DPYD: variants seen among roughly 807,000 people sequenced by gnomAD.
DPYD encodes the protein dihydropyrimidine dehydrogenase, also known as dihydropyrimidine dehydrogenase [NADP(+)].
Under a neutral mutation model 116.2 loss-of-function variants are expected in DPYD, and 109 were observed. The observed-to-expected ratio is 0.94, with a 90% CI of 0.80 to 1.10. The LOEUF (loss-of-function observed/expected upper bound fraction) is 1.10, where lower values mean the gene tolerates loss of function less well. Among genes scored for constraint, DPYD ranks in the 50% least tolerant of loss-of-function variants. DPYD has a pLI of 0.00. For missense variants in DPYD, 1,302 were observed against 1,254.5 expected, an observed-to-expected ratio of 1.04 and a Z score of -0.57; for synonymous variants, 440 against 432.0, an observed-to-expected ratio of 1.02 and a Z score of -0.23.
chr1:97,509,025 T>C (rs916849855), intron 13 of DPYD, among the ~76,000 whole-genome samples: 1 of 151,886 alleles, frequency 6.6e-6, no homozygotes, highest in Non-Finnish European at 1.5e-5. Context: ...CCCAGGCATG[T>C]GAATGAAATC....
At chr1:97,376,800 A>T (rs1251122627) in intron 15 of DPYD, among the ~76,000 whole-genome samples, 5 of 151,940 alleles carry the variant, frequency 3.3e-5, no homozygotes, top group Non-Finnish European at 7.4e-5. Flanking sequence ...CATAGGAAAT[A>T]CACTGTTACT....
intron 18 of DPYD, among the ~76,000 whole-genome samples, chr1:97,266,281 C>T (rs1219923903): frequency 1.3e-5 from 2 of 152,124 alleles, no homozygotes; most frequent in East Asian, 1.9e-4. Flanking sequence ...AGAATACTAA[C>T]TAGAGAATGA....
chr1:97,455,549 C>A (rs1467158753), intron 13 of DPYD, among the ~76,000 whole-genome samples: 1 of 151,834 alleles, frequency 6.6e-6, no homozygotes, highest in Non-Finnish European at 1.5e-5. Flanking sequence ...AGAGGAAAAT[C>A]ACTCTACAAA....
At chr1:97,094,219 G>C (rs1427060038) in intron 21 of DPYD, among the ~76,000 whole-genome samples, 6 of 152,050 alleles carry the variant, frequency 3.9e-5, no homozygotes, top group Non-Finnish European at 8.8e-5. Flanking sequence ...TGATGGGTCT[G>C]AAGGTTATGC....
chr1:97,553,179 G>A (rs2786533), intron 11 of DPYD, among the ~76,000 whole-genome samples: 35,379 of 151,622 alleles, frequency 0.23, 4,693 homozygotes, highest in African/African-American at 0.34. Flanking sequence ...TTCATATATA[G>A]TATGAATTTG....
intron 3 of DPYD, among the ~76,000 whole-genome samples, chr1:97,798,370 A>C (rs1294719571): frequency 6.6e-6 from 1 of 151,324 alleles, no homozygotes; most frequent in Non-Finnish European, 1.5e-5. Flanking sequence ...ACATGGTTTC[A>C]AAGAATTCCC....
intron 13 of DPYD, among the ~76,000 whole-genome samples, chr1:97,473,023 A>G (rs1266016809): frequency 6.6e-6 from 1 of 152,198 alleles, no homozygotes; most frequent in East Asian, 1.9e-4. Context: ...CAAAAATACA[A>G]TATATGCCAT....
chr1:97,755,778 C>T (rs1386764233), intron 3 of DPYD, among the ~76,000 whole-genome samples: 2 of 152,080 alleles, frequency 1.3e-5, no homozygotes, highest in Admixed American at 6.6e-5. Context: ...ATCTAAATTG[C>T]TAATTATAGT....
intron 14 of DPYD, chr1:97,420,096 G>T (rs1024005022): frequency 7.0e-6 from 1 of 143,160 alleles, no homozygotes; most frequent in Non-Finnish European, 1.6e-5. Flanking sequence ...TAAGACCAGA[G>T]CCTGGCAAAA....
intron 1 of DPYD, among the ~76,000 whole-genome samples, chr1:97,899,765 G>C (rs1462514057): frequency 6.6e-6 from 1 of 151,924 alleles, no homozygotes; most frequent in Admixed American, 6.6e-5. Flanking sequence ...ATGTATTAGA[G>C]ATTGATACGT....
At chr1:97,705,003 T>G (rs1661839401) in intron 5 of DPYD, among the ~76,000 whole-genome samples, 1 of 152,044 alleles carries the variant, frequency 6.6e-6, no homozygotes, top group South Asian at 2.1e-4. Flanking sequence ...TAAATCTCTA[T>G]CATTTAGTCT....
chr1:97,318,788 GCACCA>G (rs1369193190), intron 16 of DPYD, among the ~76,000 whole-genome samples: 2 of 148,724 alleles, frequency 1.3e-5, no homozygotes, highest in African/African-American at 2.5e-5. Context: ...ATTTTTTTCA[GCACCA>G]CACCACACCT....
chr1:97,108,429 A>C (rs895222230), intron 20 of DPYD, among the ~76,000 whole-genome samples: 6 of 152,236 alleles, frequency 3.9e-5, no homozygotes, highest in African/African-American at 1.4e-4. Flanking sequence ...GTGGCATCAC[A>C]TTGTCTGTGA....
intron 12 of DPYD, among the ~76,000 whole-genome samples, chr1:97,549,184 A>G (rs535663013): frequency 8.0e-4 from 121 of 152,090 alleles, no homozygotes; most frequent in African/African-American, 2.9e-3. Flanking sequence ...CTCCCACCTC[A>G]GCCTCCCAAG....
intron 21 of DPYD, among the ~76,000 whole-genome samples, chr1:97,090,197 G>A (rs1325079001): frequency 6.6e-6 from 1 of 152,082 alleles, no homozygotes; most frequent in South Asian, 2.1e-4. Context: ...AAGTATGTTT[G>A]AATACTGTGC....
intron 13 of DPYD, among the ~76,000 whole-genome samples, chr1:97,507,305 G>A (rs559342638): frequency 6.6e-6 from 1 of 151,806 alleles, no homozygotes; most frequent in East Asian, 1.9e-4. Context: ...AGCTTACATT[G>A]AATTTATTTA....
intron 8 of DPYD, among the ~76,000 whole-genome samples, chr1:97,675,769 A>G (rs968761407): frequency 7.2e-6 from 1 of 138,576 alleles, no homozygotes; most frequent in African/African-American, 2.8e-5. Flanking sequence ...TTTTTTTTGT[A>G]GACGGAGTCT....
intron 13 of DPYD, among the ~76,000 whole-genome samples, chr1:97,486,099 C>T (rs995568630): frequency 1.3e-5 from 2 of 152,082 alleles, no homozygotes; most frequent in Non-Finnish European, 2.9e-5. Context: ...GATTATGTGA[C>T]AATTCATAAT....
At chr1:97,117,068 G>GTAAGA (rs755907267) in intron 20 of DPYD, among the ~76,000 whole-genome samples, 27 of 151,902 alleles carry the variant, frequency 1.8e-4, no homozygotes, top group Non-Finnish European at 3.4e-4. Flanking sequence ...GGAGGCTGAG[G>GTAAGA]TAAGAGAATC....
Sources: allele counts gnomAD v4.1 joint callset (sites outside exome capture counted in the v4.1 genomes callset), GRCh38; gene constraint gnomAD v4.1.1; transcripts MANE v1.5; gene names NCBI Gene and HGNC (gene_info 2026-07-23, HGNC 2026-07-21).